The following GNL3 variants were observed in gnomAD, a reference collection of about 807,000 sequenced individuals.
GNL3 encodes G protein nucleolar 3.
GNL3 carries 77 observed loss-of-function variants against 70.6 expected under a neutral mutation model. The observed-to-expected ratio is 1.09, with a 90% CI of 0.91 to 1.32. The LOEUF (loss-of-function observed/expected upper bound fraction) is 1.32. GNL3 is among the 40% of genes most tolerant of loss of function. The pLI is 0.00. For synonymous variants in GNL3, 252 were observed against 216.1 expected, an observed-to-expected ratio of 1.17 and a Z score of -1.46; for missense variants, 634 against 644.0, an observed-to-expected ratio of 0.98 and a Z score of 0.17.
chr3:52,687,494 T>C lies in GNL3; in HGVS notation c.211-8T>C. 6.2e-7 allele frequency: 1 copy of C among 1,606,544 alleles called. No homozygotes were observed. Among genetic ancestry groups the C allele is most frequent in the South Asian group, 1.1e-5 (1 of 90,922 alleles). On this transcript the variant is annotated splice_region_variant and splice_polypyrimidine_tract_variant and intron_variant, in intron 3 of 14. Transcript: ENST00000418458. ...CTGGTTCACCTATTTCCCTTATGGCTCTGACAGCTTGAAGAACTAAAACAG... is the reference window on the plus strand; with the variant it reads ...CTGGTTCACCTATTTCCCTTATGGCCCTGACAGCTTGAAGAACTAAAACAG...
At chr3:52,687,011 A>G (rs1018381810) in intron 2 of GNL3, 184 bp downstream of exon 2, 1 of 629,880 alleles carries the variant, frequency 1.6e-6, no homozygotes, top group Non-Finnish European at 2.8e-6. Context: ...TGATTTGGTG[A>G]TAAGTCTCTA....
intron 5 of GNL3, 111 bp downstream of exon 5, chr3:52,688,303 G>T (rs868254902): frequency 1.5e-6 from 1 of 667,834 alleles, no homozygotes; most frequent in South Asian, 1.7e-5. Flanking sequence ...TTGTTATATG[G>T]GTAAACTTGC....
At position 52,687,612 on chromosome 3, in the gene GNL3, A is replaced by G. The variant is rs2097322202; in HGVS notation, c.321A>G (p.Glu107=). 1.3e-6 allele frequency: 2 copies of G among 1,569,718 alleles called. No individual in the cohort carries two copies. The highest frequency in any genetic ancestry group is 1.3e-5 in the African/African-American group (1 of 74,096). Residue 107 remains glutamate (E), a synonymous_variant, in exon 4 of 15, where the codon GAA becomes GAG. Coordinates refer to ENST00000418458, the MANE Select transcript of GNL3 (RefSeq NM_014366.5). ...AGCCATCAAATGTGGAACCTATGGAAAAGGTATGATTAGGTCTCTTTATGA... is the reference window on the plus strand; with the variant it reads ...AGCCATCAAATGTGGAACCTATGGAGAAGGTATGATTAGGTCTCTTTATGA... The part of the protein sequence containing the change: ...DIKPSNVEPM[E]KEFGLCKTEN...
At chr3:52,687,200 TATAAAG>T in intron 2 of GNL3, 40 bp from the exon 3 acceptor site, 1 of 1,520,492 alleles carries the variant, frequency 6.6e-7, no homozygotes, top group Non-Finnish European at 9.1e-7. Flanking sequence ...TCTGCTTAAG[TATAAAG>T]ATATTTTTGT....
intron 12 of GNL3, 26 bp downstream of exon 12, chr3:52,693,570 T>G (rs1561259101): frequency 1.2e-6 from 2 of 1,613,886 alleles, no homozygotes; most frequent in East Asian, 2.2e-5. Flanking sequence ...CGCTGCTGTC[T>G]TCATCAGCTG....
At chr3:52,686,297 G>C (rs1227958591) in intron 1 of GNL3, 192 bp downstream of exon 1, 3 of 632,644 alleles carry the variant, frequency 4.7e-6, no homozygotes, top group Non-Finnish European at 8.3e-6. Context: ...AACCGCGCGG[G>C]CTCATTCTGC....
chr3:52,691,097 CTTT>C (rs754140712), intron 8 of GNL3, 26 bp downstream of exon 8: 80 of 1,605,180 alleles, frequency 5.0e-5, no homozygotes, highest in Admixed American at 8.4e-5. Context: ...TTACTTTTTA[CTTT>C]TTAAGTGTTG....
In GNL3 at chr3:52,691,621, G is replaced by T. The variant is rs779290494; in HGVS notation, c.861G>T (p.Gly287=). The T allele has an allele frequency of 6.5e-7, 1 of 1,546,704 alleles. No individual in the cohort carries two copies. Among genetic ancestry groups the T allele is most frequent in the Non-Finnish European group, 8.9e-7 (1 of 1,118,776 alleles). The part of the protein sequence containing the change: ...EQMCNVGVSM[G]LTRSMQVVPL... The stretch of plus-strand genomic sequence containing the variant: ...TGTGTAATGTTGGTGTATCCATGGG[G>T]CTTACAAGGTAAATGGAGGTGTCCA... The change falls in exon 9 of 15, where the codon GGG becomes GGT. Residue 287 remains glycine, a synonymous_variant. Transcript: ENST00000418458.
chr3:52,686,497 A>G (rs999767706), intron 1 of GNL3: 15 of 571,222 alleles, frequency 2.6e-5, no homozygotes, highest in South Asian at 1.7e-4. Flanking sequence ...TTTGACACGA[A>G]GTGGTTGTCG....
chr3:52,688,524 G>T (rs1287577168), intron 5 of GNL3, among the ~76,000 whole-genome samples: 32 of 152,110 alleles, frequency 2.1e-4, no homozygotes. Flanking sequence ...GCACAAAACT[G>T]GTTCTGCCTG....
rs1553908781 is a variant in GNL3, at chr3:52,686,063, G to T, written c.-30G>T. 1.1e-5 allele frequency: 11 copies of T among 996,976 alleles called. No individual in the cohort carries two copies. The highest frequency in any genetic ancestry group is 2.5e-5 in the South Asian group (2 of 78,838). The allele number at this position is 996,976 out of a possible 1,614,324, so 61.8% of individuals were successfully genotyped here. ...CACGTGGCGCCAGCGGAGGCAGGTTGATGTGTTTGTGCTTCCTTCTACAGC... is the reference window on the plus strand; with the variant it reads ...CACGTGGCGCCAGCGGAGGCAGGTTTATGTGTTTGTGCTTCCTTCTACAGC... On this transcript the variant is annotated 5_prime_UTR_variant, in exon 1 of 15. Coordinates refer to ENST00000418458, the MANE Select transcript of GNL3 (RefSeq NM_014366.5).
Position 52,693,748 on chromosome 3 carries a change from C to A in GNL3, c.1441C>A (p.Gln481Lys). The A allele has an allele frequency of 6.2e-7, 1 of 1,613,868 alleles. No individual in the cohort carries two copies. The highest frequency in any genetic ancestry group is 8.5e-7 in the Non-Finnish European group (1 of 1,179,856). The change falls in exon 13 of 15, where the codon CAG becomes AAG. Residue 481 changes from glutamine (Q) to lysine (K), a missense_variant. By Grantham distance (53) the Gln-to-Lys change is moderately conservative (BLOSUM62 1). Coordinates refer to ENST00000418458, the MANE Select transcript of GNL3 (RefSeq NM_014366.5). ...EELPKRKERK[Q>K]EEREDDKDSD... ...ATTGCCAAAACGGAAAGAAAGGAAGCAGGAGGAGAGGGAGGATGACAAAGA... is the reference window on the plus strand; with the variant it reads ...ATTGCCAAAACGGAAAGAAAGGAAGAAGGAGGAGAGGGAGGATGACAAAGA...
rs2097330682 is a variant in GNL3, at chr3:52,694,377, G to C, written c.*102G>C. ...TATGCATGAGCTGTGTAAATTTTGT[G>C]AATATGTATTATATTAAAACCAGGC... On this transcript the variant is annotated 3_prime_UTR_variant, in exon 15 of 15. Transcript: ENST00000418458. 1 of 652,650 alleles carries C rather than the reference G, an allele frequency of 1.5e-6. No homozygotes were observed. Among genetic ancestry groups the C allele is most frequent in the Non-Finnish European group, 2.7e-6 (1 of 375,022 alleles). The allele number at this position is 652,650 out of a possible 1,614,324, so 40.4% of individuals were successfully genotyped here.
rs780896442 is a variant in GNL3 at position 52,693,805 on chromosome 3, G to A, written c.1498G>A (p.Asp500Asn). 6 of 1,611,650 alleles carry A rather than the reference G, an allele frequency of 3.7e-6. No homozygotes were observed. Among genetic ancestry groups the A allele is most frequent in the African/African-American group, 2.7e-5 (2 of 74,802 alleles). The change falls in exon 13 of 15, where the codon GAT becomes AAT. Residue 500 changes from aspartate to asparagine, a missense_variant and splice_region_variant. Asp to Asn is a conservative substitution (Grantham distance 23). Transcript: ENST00000418458. ...CCAGGAAACTGTTGATGAAGAAGTT[G>A]ATGTAAGTGTGTCCTCCATGAGTTA... Reference protein sequence around the residue: ...SDQETVDEEVDENSSGMFAAE... With the variant: ...SDQETVDEEVNENSSGMFAAE...
At chr3:52,692,654 G>A in intron 9 of GNL3, 1 of 699,076 alleles carries the variant, frequency 1.4e-6, no homozygotes, top group East Asian at 2.7e-5. Context: ...AATAGCATGT[G>A]TTTTGGTTGA....
At chr3:52,687,084 A>T (rs954364801) in intron 2 of GNL3, 162 bp from the exon 3 acceptor site, 13 of 660,264 alleles carry the variant, frequency 2.0e-5, no homozygotes, top group Non-Finnish European at 3.2e-5. Context: ...TTGCTGTTTT[A>T]TACTTACATA....
At chr3:52,687,209 A>G in intron 2 of GNL3, 37 bp from the exon 3 acceptor site, 1 of 1,561,098 alleles carries the variant, frequency 6.4e-7, no homozygotes, top group Non-Finnish European at 8.8e-7. Context: ...GTATAAAGAT[A>G]TTTTTGTAAG....
chr3:52,686,257 A>G (rs2097310512), intron 1 of GNL3, 152 bp downstream of exon 1: 1 of 761,322 alleles, frequency 1.3e-6, no homozygotes, highest in Non-Finnish European at 2.2e-6. Flanking sequence ...GGTAGAACCG[A>G]GAGTTGGAAG....
intron 6 of GNL3, among the ~76,000 whole-genome samples, chr3:52,689,850 G>C (rs2097325650): frequency 6.6e-6 from 1 of 152,176 alleles, no homozygotes; most frequent in South Asian, 2.1e-4. Flanking sequence ...TACTCGGAAG[G>C]CTGAGGCAGG....
Sources: allele counts gnomAD v4.1 joint callset (sites outside exome capture counted in the v4.1 genomes callset), GRCh38; gene constraint gnomAD v4.1.1; transcripts MANE v1.5; gene names NCBI Gene and HGNC (gene_info 2026-07-23, HGNC 2026-07-21).